GAP43: variants seen among roughly 807,000 people sequenced by gnomAD.
The protein encoded by GAP43 is neuromodulin.
A neutral mutation model predicts 18.6 loss-of-function variants in GAP43; 6 were observed. The observed-to-expected ratio is 0.32, with a 90% CI of 0.18 to 0.64. The LOEUF is 0.64. Ranked by LOEUF, GAP43 falls within the 30% of genes least tolerant of loss-of-function variation. GAP43 has a pLI of 0.78. For synonymous variants in GAP43, 115 were observed against 111.4 expected, an observed-to-expected ratio of 1.03 and a Z score of -0.20; for missense variants, 292 against 295.5, an observed-to-expected ratio of 0.99 and a Z score of 0.09.
chr3:115,692,608 G>C (rs1709128552), intron 2 of GAP43, among the ~76,000 whole-genome samples: 1 of 152,204 alleles, frequency 6.6e-6, no homozygotes, highest in South Asian at 2.1e-4. Context: ...TGAGCATTAT[G>C]ATGAAGCATT....
intron 1 of GAP43, among the ~76,000 whole-genome samples, chr3:115,675,626 G>A (rs574711699): frequency 2.0e-5 from 3 of 152,060 alleles, no homozygotes; most frequent in East Asian, 3.9e-4. Flanking sequence ...GAGTGTAGTG[G>A]CACATGCCTG....
At chr3:115,653,257 T>C (rs1220442846) in intron 1 of GAP43, among the ~76,000 whole-genome samples, 1 of 152,058 alleles carries the variant, frequency 6.6e-6, no homozygotes, top group East Asian at 1.9e-4. Context: ...TTTGCCAACA[T>C]GGTGAAACCC....
At chr3:115,646,759 C>A (rs1259662035) in intron 1 of GAP43, among the ~76,000 whole-genome samples, 1 of 151,944 alleles carries the variant, frequency 6.6e-6, no homozygotes. Flanking sequence ...CCACAAGAGA[C>A]CTCTCTATTA....
intron 2 of GAP43, among the ~76,000 whole-genome samples, chr3:115,696,579 C>T (rs1392792998): frequency 1.4e-5 from 1 of 73,444 alleles, no homozygotes; most frequent in Non-Finnish European, 2.3e-5. Flanking sequence ...CCCCCCACCG[C>T]CCCCCCCCCC....
At chr3:115,694,842 G>T (rs1396091484) in intron 2 of GAP43, among the ~76,000 whole-genome samples, 1 of 152,172 alleles carries the variant, frequency 6.6e-6, no homozygotes, top group East Asian at 1.9e-4. Flanking sequence ...ATTAATAATT[G>T]CTATTCATGT....
At chr3:115,665,745 T>A (rs1708724475) in intron 1 of GAP43, among the ~76,000 whole-genome samples, 1 of 151,994 alleles carries the variant, frequency 6.6e-6, no homozygotes, top group African/African-American at 2.4e-5. Flanking sequence ...CCAGTGGGGG[T>A]GCATTGGATA....
chr3:115,629,604 G>A (rs886982692), intron 1 of GAP43, among the ~76,000 whole-genome samples: 2 of 152,010 alleles, frequency 1.3e-5, no homozygotes, highest in Non-Finnish European at 2.9e-5. Context: ...TGCCCATGCT[G>A]TATTTTGTAC....
At chr3:115,651,946 AG>A (rs1708523283) in intron 1 of GAP43, among the ~76,000 whole-genome samples, 1 of 152,158 alleles carries the variant, frequency 6.6e-6, no homozygotes, top group Non-Finnish European at 1.5e-5. Flanking sequence ...TTCTAGATAG[AG>A]GTGATACAAA....
intron 1 of GAP43, among the ~76,000 whole-genome samples, chr3:115,625,896 A>G (rs1220698827): frequency 6.6e-6 from 1 of 152,206 alleles, no homozygotes; most frequent in Non-Finnish European, 1.5e-5. Context: ...TTTTAGCATC[A>G]TTTATATTCA....
chr3:115,665,676 C>G (rs1708723246), intron 1 of GAP43, among the ~76,000 whole-genome samples: 1 of 152,134 alleles, frequency 6.6e-6, no homozygotes, highest in Non-Finnish European at 1.5e-5. Context: ...TGCATTCTGA[C>G]ACGTATTGTG....
intron 1 of GAP43, among the ~76,000 whole-genome samples, chr3:115,655,780 C>A (rs1269192524): frequency 1.3e-5 from 2 of 152,148 alleles, no homozygotes; most frequent in Admixed American, 1.3e-4. Context: ...GGGCATTTTG[C>A]TTCTGGGACA....
At chr3:115,635,660 C>T (rs1022727633) in intron 1 of GAP43, among the ~76,000 whole-genome samples, 6 of 151,578 alleles carry the variant, frequency 4.0e-5, no homozygotes, top group Non-Finnish European at 8.8e-5. Context: ...ACACAATAAG[C>T]CCAAGAGAAA....
intron 2 of GAP43, among the ~76,000 whole-genome samples, chr3:115,693,520 T>G (rs1482206031): frequency 6.6e-6 from 1 of 152,022 alleles, no homozygotes; most frequent in African/African-American, 2.4e-5. Flanking sequence ...ATTTTAACGG[T>G]GAGGAAAGCA....
rs1420324431 is a variant in GAP43, at chr3:115,675,757, T to C, written c.31-256T>C. Among the ~76,000 whole-genome samples, 23 of 28,056 alleles carry C rather than the reference T, an allele frequency of 8.2e-4. No individual in the cohort carries two copies. In the South Asian group the frequency reaches 0.048, roughly 59 times the overall value. The allele number at this position is 28,056 out of a possible 152,430, so 18.4% of individuals were successfully genotyped here. On this transcript the variant is annotated intron_variant, in intron 1 of 2. Transcript: ENST00000305124. ...CTGGGTGACAGACTGAGACTCTATC[T>C]CAAAAAAAAAAAAAAAAAAAAAAAA...
intron 1 of GAP43, among the ~76,000 whole-genome samples, chr3:115,641,230 A>G (rs1379364083): frequency 6.6e-6 from 1 of 150,556 alleles, no homozygotes; most frequent in Non-Finnish European, 1.5e-5. Context: ...TTGAAAAATC[A>G]CCTTCTTCAT....
At chr3:115,674,668 A>G (rs950854172) in intron 1 of GAP43, among the ~76,000 whole-genome samples, 1 of 152,190 alleles carries the variant, frequency 6.6e-6, no homozygotes, top group Non-Finnish European at 1.5e-5. Context: ...ATCATTTTTT[A>G]AAATTCAGGA....
chr3:115,705,365 C>T (rs1709346680), intron 2 of GAP43, among the ~76,000 whole-genome samples: 1 of 152,072 alleles, frequency 6.6e-6, no homozygotes, highest in South Asian at 2.1e-4. Context: ...TGGGATTTGG[C>T]AAACCTAGAT....
intron 1 of GAP43, among the ~76,000 whole-genome samples, chr3:115,636,025 G>A (rs1384877110): frequency 6.6e-6 from 1 of 152,054 alleles, no homozygotes; most frequent in Non-Finnish European, 1.5e-5. Flanking sequence ...TACCAAAATT[G>A]TTACTTTTGC....
At position 115,682,743 on chromosome 3, in the gene GAP43, G is replaced by T. The variant is rs550686219; in HGVS notation, c.628+6133G>T. On this transcript the variant is annotated intron_variant, in intron 2 of 2. Transcript: ENST00000305124. ...GTAAAGACGGGATTTTACCATGTTG[G>T]TCAGGCTGGTCTCAAACTCCTGACC... Among the ~76,000 whole-genome samples the T allele has an allele frequency of 6.2e-4, 94 of 152,182 alleles. 1 individual carries two copies. The highest frequency in any genetic ancestry group is 2.2e-3 in the African/African-American group (90 of 41,492).
Sources: gnomAD v4.1 joint callset for allele counts (sites outside exome capture counted in the v4.1 genomes callset) on GRCh38, gnomAD v4.1.1 for gene constraint, MANE v1.5 for transcripts, NCBI Gene and HGNC (gene_info 2026-07-23, HGNC 2026-07-21) for gene names.